CAMK4: variants seen among roughly 807,000 people sequenced by gnomAD.
The protein encoded by CAMK4 is calcium/calmodulin-dependent protein kinase type IV.
CAMK4 carries 22 observed loss-of-function variants against 44.9 expected under a neutral mutation model. The observed-to-expected ratio is 0.49, with a 90% CI of 0.35 to 0.70. CAMK4 has a LOEUF of 0.70. CAMK4 is among the 30% of genes least tolerant of loss of function. CAMK4 has a pLI of 0.01. For missense variants in CAMK4, 498 were observed against 586.8 expected (o/e 0.85, Z 1.56); for synonymous variants, 218 against 215.4 (o/e 1.01, Z -0.11).
At chr5:111,230,561 G>T (rs115956132) in intron 1 of CAMK4, among the ~76,000 whole-genome samples, 5,109 of 135,638 alleles carry the variant, frequency 0.038, 274 homozygotes, top group African/African-American at 0.14. Context: ...TCCAGATTTT[G>T]GGGGAAAAAA....
At chr5:111,310,648 C>A (rs921525813) in intron 1 of CAMK4, among the ~76,000 whole-genome samples, 2 of 152,180 alleles carry the variant, frequency 1.3e-5, no homozygotes, top group African/African-American at 4.8e-5. Context: ...GCTAGTATTA[C>A]TTTTCATGCT....
chr5:111,471,175 A>T (rs749567823), intron 7 of CAMK4, among the ~76,000 whole-genome samples: 2 of 152,178 alleles, frequency 1.3e-5, no homozygotes, highest in Non-Finnish European at 2.9e-5. Context: ...TTTTGTCTGC[A>T]TCGATCTGGA....
At chr5:111,384,793 C>T (rs946882023) in intron 4 of CAMK4, among the ~76,000 whole-genome samples, 1 of 152,146 alleles carries the variant, frequency 6.6e-6, no homozygotes, top group Non-Finnish European at 1.5e-5. Context: ...ATTACTTTCA[C>T]TCCTTTCCAT....
At chr5:111,471,124 T>C (rs897488261) in intron 7 of CAMK4, among the ~76,000 whole-genome samples, 6 of 152,374 alleles carry the variant, frequency 3.9e-5, no homozygotes, top group African/African-American at 1.4e-4. Context: ...AGGCTCAGGA[T>C]TTCAATCCCA....
chr5:111,231,564 A>G (rs1332377482), intron 1 of CAMK4, among the ~76,000 whole-genome samples: 1 of 152,252 alleles, frequency 6.6e-6, no homozygotes, highest in Non-Finnish European at 1.5e-5. Context: ...GTGAACAACA[A>G]CAAGGAGATT....
At position 111,401,273 on chromosome 5, in the gene CAMK4, G is replaced by T. The variant is rs1369607317; in HGVS notation, c.459+6491G>T. On this transcript the variant is annotated intron_variant, in intron 5 of 10. Coordinates refer to ENST00000282356, the MANE Select transcript of CAMK4 (RefSeq NM_001744.6). ...CCTGCCTCAGCCTCCCAAGTAGCCG[G>T]GATTACAGGCATGCGACACCATGCC... 4.6e-5 allele frequency among the ~76,000 whole-genome samples: 7 copies of T among 152,076 alleles called. No homozygotes were observed. In the East Asian group the frequency reaches 7.7e-4, roughly 17 times the overall value.
chr5:111,336,878 A>C (rs1034192554), intron 1 of CAMK4, among the ~76,000 whole-genome samples: 4 of 151,080 alleles, frequency 2.6e-5, no homozygotes, highest in Non-Finnish European at 5.9e-5. Flanking sequence ...GAATGGGTTG[A>C]ATGCTATAAG....
chr5:111,484,483 C>G lies in CAMK4; in HGVS notation c.*17C>G. 6.8e-7 allele frequency: 1 copy of G among 1,468,100 alleles called. No individual in the cohort carries two copies. The highest frequency in any genetic ancestry group is 9.1e-7 in the Non-Finnish European group (1 of 1,100,698). 90.9% of individuals were successfully genotyped at this position (1,468,100 alleles called of 1,614,324 possible). On this transcript the variant is annotated 3_prime_UTR_variant, in exon 11 of 11. Transcript: ENST00000282356. This position sits in a 1 kb window ranked among gnomAD's most constrained non-coding sequence, Gnocchi z 5.3. ...GAGTACTAAACAGCTTCCTTCAGAT[C>G]TGGAAGCCAAACACCGGCATTTTAT...
In CAMK4 at chr5:111,491,331, G is replaced by C. The variant is rs1363249067; in HGVS notation, c.*6865G>C. 1 of 151,992 alleles carries C rather than the reference G, an allele frequency of 6.6e-6. No homozygotes were observed. The highest frequency in any genetic ancestry group is 2.4e-5 in the African/African-American group (1 of 41,376). 9.4% of individuals were successfully genotyped at this position (151,992 alleles called of 1,614,324 possible). ...ATATGGACTGCAAAGCCTAAAATGTGTATCTGGACCCTTACAGTAAAACAA... is the reference window on the plus strand; with the variant it reads ...ATATGGACTGCAAAGCCTAAAATGTCTATCTGGACCCTTACAGTAAAACAA... On this transcript the variant is annotated 3_prime_UTR_variant, in exon 11 of 11. Transcript: ENST00000282356.
intron 4 of CAMK4, among the ~76,000 whole-genome samples, chr5:111,379,357 T>C (rs1442728756): frequency 6.6e-6 from 1 of 152,170 alleles, no homozygotes; most frequent in Non-Finnish European, 1.5e-5. Context: ...TAAATGCTAT[T>C]GATAAATTTC....
intron 2 of CAMK4, among the ~76,000 whole-genome samples, chr5:111,345,494 C>A (rs556531870): frequency 6.6e-6 from 1 of 151,828 alleles, no homozygotes. Context: ...GAAAATAAAA[C>A]GGCATATTTT....
chr5:111,417,875 A>G (rs1271161110), intron 5 of CAMK4, among the ~76,000 whole-genome samples: 1 of 152,168 alleles, frequency 6.6e-6, no homozygotes, highest in Non-Finnish European at 1.5e-5. Context: ...CCCTGGTGAT[A>G]TATTTTTGTA....
At chr5:111,437,646 G>T (rs1030054487) in intron 5 of CAMK4, among the ~76,000 whole-genome samples, 1 of 152,180 alleles carries the variant, frequency 6.6e-6, no homozygotes, top group Admixed American at 6.5e-5. Flanking sequence ...TTATAGCTAA[G>T]TCCTGAGGAT....
chr5:111,238,969 A>G (rs190491622), intron 1 of CAMK4, among the ~76,000 whole-genome samples: 3 of 151,318 alleles, frequency 2.0e-5, no homozygotes, highest in East Asian at 3.9e-4. Flanking sequence ...GTGCATCCGT[A>G]CCTGTTGGCT....
chr5:111,352,058 C>G (rs777016098), intron 2 of CAMK4, among the ~76,000 whole-genome samples: 6 of 151,908 alleles, frequency 3.9e-5, no homozygotes, highest in Non-Finnish European at 7.4e-5. Flanking sequence ...AGGGCTCTAC[C>G]CTCATTATCT....
chr5:111,251,603 A>G (rs1207825983), intron 1 of CAMK4, among the ~76,000 whole-genome samples: 1 of 152,198 alleles, frequency 6.6e-6, no homozygotes, highest in African/African-American at 2.4e-5. Flanking sequence ...ATACAGCTAT[A>G]TGGATTTAAT....
chr5:111,294,557 A>T (rs534307947), intron 1 of CAMK4, among the ~76,000 whole-genome samples: 1 of 152,208 alleles, frequency 6.6e-6, no homozygotes, highest in Non-Finnish European at 1.5e-5. Context: ...GTTGAGATAT[A>T]TATTATTCAG....
intron 2 of CAMK4, among the ~76,000 whole-genome samples, chr5:111,352,558 G>C (rs974455740): frequency 6.6e-6 from 1 of 150,874 alleles, no homozygotes; most frequent in African/African-American, 2.4e-5. Flanking sequence ...TTCAGTTCTG[G>C]AGGAGGCTGA....
chr5:111,437,462 G>C (rs556562530), intron 5 of CAMK4, among the ~76,000 whole-genome samples: 1 of 152,246 alleles, frequency 6.6e-6, no homozygotes, highest in Non-Finnish European at 1.5e-5. Flanking sequence ...TAGTATCTGG[G>C]GATTCTTTGT....
Sources: allele counts gnomAD v4.1 joint callset (sites outside exome capture counted in the v4.1 genomes callset), GRCh38; gene constraint gnomAD v4.1.1; non-coding constraint Gnocchi (gnomAD v3.1); transcripts MANE v1.5; gene names NCBI Gene and HGNC (gene_info 2026-07-23, HGNC 2026-07-21).